Variants in ALDH3A2 observed in about 807,000 individuals in gnomAD.
ALDH3A2 encodes the protein aldehyde dehydrogenase family 3 member A2.
Under a neutral mutation model 51.3 loss-of-function variants are expected in ALDH3A2, and 36 were observed. The observed-to-expected ratio is 0.70, with a 90% confidence interval of 0.54 to 0.93. The LOEUF (loss-of-function observed/expected upper bound fraction) is 0.93, where lower values mean the gene tolerates loss of function less well. Ranked by LOEUF, ALDH3A2 falls within the 40% of genes least tolerant of loss-of-function variation. The pLI is 0.00. For missense variants in ALDH3A2, 552 were observed against 603.1 expected, an observed-to-expected ratio of 0.92 and a Z score of 0.89; for synonymous variants, 199 against 219.8, an observed-to-expected ratio of 0.91 and a Z score of 0.84.
chr17:19,654,591 C>T lies in ALDH3A2; in HGVS notation c.472-1775C>T, dbSNP rs1009471066. The stretch of plus-strand genomic sequence containing the variant: ...GCCCCTCATTGCCCAGGGCTGGCGG[C>T]GCCGGCCAGCTGCTCCGAGTGTGGG... On this transcript the variant is annotated intron_variant, in intron 3 of 9. Transcript: ENST00000176643. The surrounding 1 kb of genome is among the most constrained non-coding windows in gnomAD (Gnocchi z 4.5). 2.3e-4 allele frequency among the ~76,000 whole-genome samples: 35 copies of T among 152,284 alleles called. No individual in the cohort carries two copies. The highest frequency in any genetic ancestry group is 7.7e-4 in the East Asian group (4 of 5,166).
At chr17:19,668,021 AG>A (rs2085062792) in intron 8 of ALDH3A2, among the ~76,000 whole-genome samples, 1 of 152,148 alleles carries the variant, frequency 6.6e-6, no homozygotes, top group Non-Finnish European at 1.5e-5. Context: ...TAGACAGAAA[AG>A]GGTCTCATTT....
At position 19,675,596 on chromosome 17, in the gene ALDH3A2, A is replaced by C; in HGVS notation, c.*24A>C. 6.2e-7 allele frequency: 1 copy of C among 1,607,478 alleles called. No homozygotes were observed. The highest frequency in any genetic ancestry group is 1.1e-5 in the South Asian group (1 of 90,908). ...GAAGAATGATCCTGTTCAACCTCCT[A>C]GTGCCTCTACTGAATTATTCCTCTT... On this transcript the variant is annotated 3_prime_UTR_variant, in exon 10 of 10. Transcript: ENST00000176643.
Position 19,675,931 on chromosome 17 carries a change from C to T in ALDH3A2, c.*359C>T. 8.9e-6 allele frequency: 3 copies of T among 337,152 alleles called. No homozygotes were observed. Among genetic ancestry groups the T allele is most frequent in the South Asian group, 8.4e-5 (3 of 35,898 alleles). 20.9% of individuals were successfully genotyped at this position (337,152 alleles called of 1,614,324 possible). A position where few individuals can be genotyped will look rare whatever the true frequency, so the allele number is the denominator to read the frequency against. On this transcript the variant is annotated 3_prime_UTR_variant, in exon 10 of 10. Coordinates refer to ENST00000176643, the MANE Select transcript of ALDH3A2 (RefSeq NM_000382.3). ...GTTAATGGCACTGCTCACTTCCTGC[C>T]TCTGCTGCCACCATCACTGTGTGAA...
chr17:19,651,717 C>G lies in ALDH3A2; in HGVS notation c.324C>G (p.Ile108Met). 1 of 1,614,142 alleles carries G rather than the reference C, an allele frequency of 6.2e-7. No homozygotes were observed. The highest frequency in any genetic ancestry group is 8.5e-7 in the Non-Finnish European group (1 of 1,180,032). The change falls in exon 2 of 10, where the codon ATC becomes ATG. Residue 108 changes from isoleucine to methionine, a missense_variant. By Grantham distance (10) the Ile-to-Met change is conservative (BLOSUM62 1). Coordinates refer to ENST00000176643, the MANE Select transcript of ALDH3A2 (RefSeq NM_000382.3). ...AGCCTCTGGGAGTGGTGCTGATAAT[C>G]GGAGCTTGGAATTACCCCTTCGTTC... ...QPQPLGVVLI[I>M]GAWNYPFVLT...
At chr17:19,671,587 C>G (rs1288676302) in intron 8 of ALDH3A2, 134 bp from the exon 9 acceptor site, 4 of 793,956 alleles carry the variant, frequency 5.0e-6, no homozygotes, top group Non-Finnish European at 8.7e-6. Flanking sequence ...AAAAGAGATA[C>G]TTCAGCTGGC....
At chr17:19,664,251 T>C (rs1040591441) in intron 7 of ALDH3A2, among the ~76,000 whole-genome samples, 6 of 152,182 alleles carry the variant, frequency 3.9e-5, no homozygotes, top group Non-Finnish European at 5.9e-5. Context: ...CCATGGATAA[T>C]GTGGGCAGGA....
At position 19,657,858 on chromosome 17, in the gene ALDH3A2, T is replaced by C; in HGVS notation, c.794T>C (p.Val265Ala). 1 of 1,596,198 alleles carries C rather than the reference T, an allele frequency of 6.3e-7. No individual in the cohort carries two copies. The highest frequency in any genetic ancestry group is 1.1e-5 in the South Asian group (1 of 90,672). Residue 265 changes from valine to alanine, a missense_variant, in exon 5 of 10, where the codon GTG (valine) becomes GCG (alanine). Physicochemically the swap from Val to Ala is moderately conservative, Grantham distance 64. Coordinates refer to ENST00000176643, the MANE Select transcript of ALDH3A2 (RefSeq NM_000382.3). ...NQIVWKIKETVKEFYGENIKE... is the reference protein window; with the variant it reads ...NQIVWKIKETAKEFYGENIKE... Reference sequence around the variant, plus strand: ...ATTGTATGGAAGATTAAGGAAACAGTGAAGGTTTGTATTAAAAACATCTGA... The same window carrying C: ...ATTGTATGGAAGATTAAGGAAACAGCGAAGGTTTGTATTAAAAACATCTGA...
Position 19,651,664 on chromosome 17 carries a change from A to C in ALDH3A2, c.271A>C (p.Met91Leu). 1 of 1,614,232 alleles carries C rather than the reference A, an allele frequency of 6.2e-7. No individual in the cohort carries two copies. Among genetic ancestry groups the C allele is most frequent in the Non-Finnish European group, 8.5e-7 (1 of 1,180,032 alleles). Residue 91 changes from methionine (M) to leucine (L), a missense_variant, in exon 2 of 10, where the codon ATG becomes CTG. Met to Leu is a conservative substitution (Grantham distance 15). Coordinates refer to ENST00000176643, the MANE Select transcript of ALDH3A2 (RefSeq NM_000382.3). ...ACCAGTTAAGAAGAACGTGCTCACC[A>C]TGCTGGATGAGGCCTATATTCAGCC... Reference protein sequence around the residue: ...AKPVKKNVLTMLDEAYIQPQP... With the variant: ...AKPVKKNVLTLLDEAYIQPQP...
intron 1 of ALDH3A2, chr17:19,649,423 T>C: frequency 2.7e-6 from 1 of 365,728 alleles, no homozygotes; most frequent in Non-Finnish European, 5.0e-6. Flanking sequence ...CTTTGTATAT[T>C]CTGGATTTAA....
intron 8 of ALDH3A2, among the ~76,000 whole-genome samples, chr17:19,669,763 T>G (rs2085087063): frequency 6.6e-6 from 1 of 152,132 alleles, no homozygotes; most frequent in Non-Finnish European, 1.5e-5. Context: ...GCCTCCTGAA[T>G]AGCTGGGATT....
intron 8 of ALDH3A2, among the ~76,000 whole-genome samples, chr17:19,670,853 A>G (rs2085103607): frequency 6.6e-6 from 1 of 151,848 alleles, no homozygotes; most frequent in Non-Finnish European, 1.5e-5. Context: ...GAGCCACCGC[A>G]CCCGGCCCCC....
intron 3 of ALDH3A2, 105 bp downstream of exon 3, chr17:19,652,737 G>C (rs1450357362): frequency 1.0e-6 from 1 of 955,328 alleles, no homozygotes; most frequent in Non-Finnish European, 1.7e-6. Context: ...CCCAATTGCA[G>C]TCTCTTTAAG....
At chr17:19,658,453 G>T (rs1462998490) in intron 5 of ALDH3A2, among the ~76,000 whole-genome samples, 1 of 152,012 alleles carries the variant, frequency 6.6e-6, no homozygotes, top group African/African-American at 2.4e-5. Context: ...GGCTGGGCAC[G>T]GTGGCTTATG....
intron 8 of ALDH3A2, among the ~76,000 whole-genome samples, chr17:19,669,423 A>G (rs1014643829): frequency 1.3e-5 from 2 of 152,142 alleles, no homozygotes; most frequent in South Asian, 4.1e-4. Context: ...CATTTTTTGA[A>G]ATAATCATCC....
intron 8 of ALDH3A2, among the ~76,000 whole-genome samples, chr17:19,671,016 C>T (rs2085105867): frequency 6.6e-6 from 1 of 152,224 alleles, no homozygotes; most frequent in Non-Finnish European, 1.5e-5. Context: ...TGTCTTATAT[C>T]ACACATGCCA....
At chr17:19,649,177 TG>T in intron 1 of ALDH3A2, 53 bp downstream of exon 1, 1 of 1,529,084 alleles carries the variant, frequency 6.5e-7, no homozygotes, top group Non-Finnish European at 8.8e-7. Context: ...CGCGCACTTG[TG>T]GACTGGAGCT....
Position 19,649,049 on chromosome 17 carries a change from G to T in ALDH3A2, c.78G>T (p.Gln26His), listed in dbSNP as rs756408923. ...RSRPLRFRLQ[Q>H]LEALRRMVQE... ...GACCTCTGCGGTTTCGGCTGCAGCA[G>T]CTGGAGGCCCTGCGGAGGATGGTGC... Residue 26 changes from glutamine (Q) to histidine (H), a missense_variant, in exon 1 of 10, where the codon CAG becomes CAT. Gln to His is a conservative substitution (Grantham distance 24). Coordinates refer to ENST00000176643, the MANE Select transcript of ALDH3A2 (RefSeq NM_000382.3). 6.3e-6 allele frequency: 10 copies of T among 1,584,066 alleles called. No homozygotes were observed. Among genetic ancestry groups the T allele is most frequent in the Non-Finnish European group, 7.7e-6 (9 of 1,165,722 alleles).
At position 19,661,202 on chromosome 17, in the gene ALDH3A2, C is replaced by T. The variant is rs149453193; in HGVS notation, c.874C>T (p.Leu292=). 1.4e-5 allele frequency: 23 copies of T among 1,614,026 alleles called. No homozygotes were observed. The highest frequency in any genetic ancestry group is 1.8e-5 in the Non-Finnish European group (21 of 1,179,948). ...IINLRHFKRI[L]SLLEGQKIAF... ...CAATCTTCGTCATTTTAAGAGGATA[C>T]TAAGTTTGCTTGAAGGACAAAAGAT... Residue 292 remains leucine (L), a synonymous_variant, in exon 6 of 10, where the codon CTA becomes TTA. Transcript: ENST00000176643.
Position 19,663,477 on chromosome 17 carries a change from A to G in ALDH3A2, c.1085A>G (p.Tyr362Cys). Residue 362 changes from tyrosine (Y) to cysteine (C), a missense_variant, in exon 7 of 10, where the codon TAT (tyrosine) becomes TGT (cysteine). Physicochemically the swap from Tyr to Cys is radical, Grantham distance 194. Transcript: ENST00000176643. ...INEREKPLAL[Y>C]VFSHNHKLIK... ...GAACGTGAAAAGCCTCTGGCTCTTT[A>G]TGTATTTTCGCATAACCATAAGGTA... The G allele has an allele frequency of 6.2e-7, 1 of 1,614,136 alleles. No individual in the cohort carries two copies. The highest frequency in any genetic ancestry group is 8.5e-7 in the Non-Finnish European group (1 of 1,180,016).
Sources: gnomAD v4.1 joint callset for allele counts (sites outside exome capture counted in the v4.1 genomes callset) on GRCh38, gnomAD v4.1.1 for gene constraint, Gnocchi (gnomAD v3.1) non-coding constraint, MANE v1.5 for transcripts, NCBI Gene and HGNC (gene_info 2026-07-23, HGNC 2026-07-21) for gene names.